The following PLEKHG3 variants were observed in gnomAD, a reference collection of about 807,000 sequenced individuals.
PLEKHG3 encodes pleckstrin homology and RhoGEF domain containing G3, also known as pleckstrin homology domain-containing family G member 3.
PLEKHG3 carries 62 observed loss-of-function variants against 94.9 expected under a neutral mutation model. The ratio of observed to expected loss-of-function variants is 0.65; its 90% CI spans 0.53 to 0.81. PLEKHG3 has a LOEUF of 0.81. Ranked by LOEUF, PLEKHG3 falls within the 30% of genes least tolerant of loss-of-function variation. The pLI is 0.00. For synonymous variants in PLEKHG3, 614 were observed against 654.0 expected, an observed-to-expected ratio of 0.94 and a Z score of 0.93; for missense variants, 1,461 against 1,619.3, an observed-to-expected ratio of 0.90 and a Z score of 1.68.
chr14:64,746,294 T>C lies in PLEKHG3; in HGVS notation c.*2591T>C, dbSNP rs1203770584. 1 of 152,398 alleles carries C rather than the reference T, an allele frequency of 6.6e-6. No homozygotes were observed. The highest frequency in any genetic ancestry group is 1.9e-4 in the East Asian group (1 of 5,196). 9.4% of individuals were successfully genotyped at this position (152,398 alleles called of 1,614,324 possible). On this transcript the variant is annotated 3_prime_UTR_variant, in exon 17 of 17. Transcript: ENST00000247226. The surrounding 1 kb of genome is among the most constrained non-coding windows in gnomAD (Gnocchi z 4.9). ...AACTGAGAGAAACATGGAGCATTAT[T>C]GATTTATTAGAAAAACTAGTAAATG...
In PLEKHG3 at chr14:64,732,634, G is replaced by A. The variant is rs960873100; in HGVS notation, c.1247-169G>A. The stretch of plus-strand genomic sequence containing the variant: ...ATTAAGGATGCTCTCCTGCTGAGCG[G>A]TGGGACTCTCAGTGCCTGAAGCTCC... On this transcript the variant is annotated intron_variant, in intron 11 of 16. Transcript: ENST00000247226. The surrounding 1 kb of genome is among the most constrained non-coding windows in gnomAD (Gnocchi z 4.9). Among the ~76,000 whole-genome samples, 4 of 151,832 alleles carry A rather than the reference G, an allele frequency of 2.6e-5. No homozygotes were observed. Among genetic ancestry groups the A allele is most frequent in the African/African-American group, 9.7e-5 (4 of 41,118 alleles).
chr14:64,731,294 C>T lies in PLEKHG3; in HGVS notation c.850-67C>T. On this transcript the variant is annotated intron_variant, in intron 7 of 16. Coordinates refer to ENST00000247226, the MANE Select transcript of PLEKHG3 (RefSeq NM_001308147.2). The surrounding 1 kb of genome is among the most constrained non-coding windows in gnomAD (Gnocchi z 6.1). ...AGTGGCATTGGGGGAGCCTTTGTGGCAGGGTTTGCAGAGCCTCCTAAGGCC... is the reference window on the plus strand; with the variant it reads ...AGTGGCATTGGGGGAGCCTTTGTGGTAGGGTTTGCAGAGCCTCCTAAGGCC... 1 of 1,485,510 alleles carries T rather than the reference C, an allele frequency of 6.7e-7. No individual in the cohort carries two copies. The highest frequency in any genetic ancestry group is 9.3e-7 in the Non-Finnish European group (1 of 1,071,856). 92.0% of individuals were successfully genotyped at this position (1,485,510 alleles called of 1,614,324 possible).
chr14:64,738,677 T>C lies in PLEKHG3; in HGVS notation c.1405-65T>C. 8.6e-7 allele frequency: 1 copy of C among 1,166,838 alleles called. No homozygotes were observed. The allele number at this position is 1,166,838 out of a possible 1,614,324, so 72.3% of individuals were successfully genotyped here. A position where few individuals can be genotyped will look rare whatever the true frequency, so the allele number is the denominator to read the frequency against. ...TGGGGCGTGGGAGGCACTGCCCGTGTTGGGATGCAGAAGGGATCAGCTTCC... is the reference window on the plus strand; with the variant it reads ...TGGGGCGTGGGAGGCACTGCCCGTGCTGGGATGCAGAAGGGATCAGCTTCC... On this transcript the variant is annotated intron_variant, in intron 14 of 16. Coordinates refer to ENST00000247226, the MANE Select transcript of PLEKHG3 (RefSeq NM_001308147.2). The surrounding 1 kb of genome is among the most constrained non-coding windows in gnomAD (Gnocchi z 4.8).
rs1412164179 is a variant in PLEKHG3 at position 64,704,900 on chromosome 14, C to A, written c.-40+196C>A. ...CCGGGCCACCCTGCCGCAGAGTGCG[C>A]GAGCGCAGGAGGGTCGTATGGGGAG... On this transcript the variant is annotated intron_variant, in intron 1 of 16. Transcript: ENST00000247226. The surrounding 1 kb of genome is among the most constrained non-coding windows in gnomAD (Gnocchi z 5.6). 6.6e-6 allele frequency among the ~76,000 whole-genome samples: 1 copy of A among 152,192 alleles called. No homozygotes were observed. The highest frequency in any genetic ancestry group is 1.5e-5 in the Non-Finnish European group (1 of 68,028).
chr14:64,735,210 T>C (rs1044985991), intron 12 of PLEKHG3, among the ~76,000 whole-genome samples: 3 of 152,168 alleles, frequency 2.0e-5, no homozygotes, highest in African/African-American at 7.2e-5. Context: ...CTGTGTTTGG[T>C]GTGTCGTGCC....
rs2139409772 is a variant in PLEKHG3 at position 64,748,025 on chromosome 14, C to T, written c.*4322C>T. ...GGGCTGGAGGGTGGTAGATATTTGACCTCTGTACTCATGTGACCCCCTCCC... is the reference window on the plus strand; with the variant it reads ...GGGCTGGAGGGTGGTAGATATTTGATCTCTGTACTCATGTGACCCCCTCCC... On this transcript the variant is annotated 3_prime_UTR_variant, in exon 17 of 17. Coordinates refer to ENST00000247226, the MANE Select transcript of PLEKHG3 (RefSeq NM_001308147.2). 1 of 152,216 alleles carries T rather than the reference C, an allele frequency of 6.6e-6. No homozygotes were observed. The highest frequency in any genetic ancestry group is 1.9e-4 in the East Asian group (1 of 5,174). The allele number at this position is 152,216 out of a possible 1,614,324, so 9.4% of individuals were successfully genotyped here.
chr14:64,749,119 T>G lies in PLEKHG3; in HGVS notation c.*5416T>G. 2 of 601,882 alleles carry G rather than the reference T, an allele frequency of 3.3e-6. No individual in the cohort carries two copies. Among genetic ancestry groups the G allele is most frequent in the Non-Finnish European group, 5.4e-6 (2 of 367,024 alleles). 37.3% of individuals were successfully genotyped at this position (601,882 alleles called of 1,614,324 possible). On this transcript the variant is annotated 3_prime_UTR_variant, in exon 17 of 17. Coordinates refer to ENST00000247226, the MANE Select transcript of PLEKHG3 (RefSeq NM_001308147.2). The surrounding 1 kb of genome is among the most constrained non-coding windows in gnomAD (Gnocchi z 4.7). Reference sequence around the variant, plus strand: ...AGCGGAGCCAGCGCGGGCGAGGGCATGGAGGGGGCGTCGGCCCAGGACACG... The same window carrying G: ...AGCGGAGCCAGCGCGGGCGAGGGCAGGGAGGGGGCGTCGGCCCAGGACACG...
chr14:64,734,887 G>GT (rs1002861473), intron 12 of PLEKHG3, among the ~76,000 whole-genome samples: 163 of 148,260 alleles, frequency 1.1e-3, no homozygotes, highest in Middle Eastern at 3.5e-3. Context: ...CGCCCAGCTA[G>GT]TTTTTTTTTT....
chr14:64,737,854 C>A, intron 14 of PLEKHG3: 1 of 1,184,690 alleles, frequency 8.4e-7, no homozygotes, highest in Non-Finnish European at 1.1e-6. Context: ...GTCTTGTGCT[C>A]TGAACAGCAT....
chr14:64,745,760 A>T lies in PLEKHG3; in HGVS notation c.*2057A>T, dbSNP rs868304381. ...TTGAAGAACCCGACTGGGGCTCTTCAGAGGGTGGGGCCCAGGAAGTTGTAG... is the reference window on the plus strand; with the variant it reads ...TTGAAGAACCCGACTGGGGCTCTTCTGAGGGTGGGGCCCAGGAAGTTGTAG... On this transcript the variant is annotated 3_prime_UTR_variant, in exon 17 of 17. Coordinates refer to ENST00000247226, the MANE Select transcript of PLEKHG3 (RefSeq NM_001308147.2). The surrounding 1 kb of genome is among the most constrained non-coding windows in gnomAD (Gnocchi z 5.0). 16 of 152,276 alleles carry T rather than the reference A, an allele frequency of 1.1e-4. No individual in the cohort carries two copies. Among genetic ancestry groups the T allele is most frequent in the African/African-American group, 3.9e-4 (16 of 41,460 alleles). 9.4% of individuals were successfully genotyped at this position (152,276 alleles called of 1,614,324 possible).
chr14:64,728,391 G>A lies in PLEKHG3; in HGVS notation c.351+409G>A, dbSNP rs1471042398. ...TACCTTGTAGGTGAAGGGCACGGAA[G>A]GGCAGCTGTGTGGCTGCCACTGAGG... is the stretch of plus-strand genomic sequence containing the variant. On this transcript the variant is annotated intron_variant, in intron 2 of 16. Transcript: ENST00000247226. This position sits in a 1 kb window ranked among gnomAD's most constrained non-coding sequence, Gnocchi z 5.9. 1.3e-5 allele frequency among the ~76,000 whole-genome samples: 2 copies of A among 152,258 alleles called. No individual in the cohort carries two copies. Among genetic ancestry groups the A allele is most frequent in the African/African-American group, 2.4e-5 (1 of 41,474 alleles).
rs1295836280 is a variant in PLEKHG3 at position 64,743,043 on chromosome 14, C to T, written c.3000C>T (p.Ser1000=). 2 of 1,612,808 alleles carry T rather than the reference C, an allele frequency of 1.2e-6. No homozygotes were observed. The highest frequency in any genetic ancestry group is 4.5e-5 in the East Asian group (2 of 44,890). ...AGCAGCTGATGGCCCAGGAGCACAG[C>T]CCTCCCAAGCCCTCCTCGGCTGGGG... is the stretch of plus-strand genomic sequence containing the variant. ...DYEQLMAQEH[S]PPKPSSAGEM... Residue 1000 remains serine, a synonymous_variant, in exon 17 of 17, where the codon AGC becomes AGT. Coordinates refer to ENST00000247226, the MANE Select transcript of PLEKHG3 (RefSeq NM_001308147.2). This position sits in a 1 kb window ranked among gnomAD's most constrained non-coding sequence, Gnocchi z 7.2.
In PLEKHG3 at chr14:64,738,346, G is replaced by C; in HGVS notation, c.1405-396G>C. Reference sequence around the variant, plus strand: ...TGCCCTGGTTTTACTCCTCCCCTCAGCACTTAACACCATCGCTCGCTGTCA... The same window carrying C: ...TGCCCTGGTTTTACTCCTCCCCTCACCACTTAACACCATCGCTCGCTGTCA... On this transcript the variant is annotated intron_variant, in intron 14 of 16. Coordinates refer to ENST00000247226, the MANE Select transcript of PLEKHG3 (RefSeq NM_001308147.2). This position sits in a 1 kb window ranked among gnomAD's most constrained non-coding sequence, Gnocchi z 4.8. 1 of 487,492 alleles carries C rather than the reference G, an allele frequency of 2.1e-6. No homozygotes were observed. Among genetic ancestry groups the C allele is most frequent in the Non-Finnish European group, 3.5e-6 (1 of 286,364 alleles). The allele number at this position is 487,492 out of a possible 1,614,324, so 30.2% of individuals were successfully genotyped here. A position where few individuals can be genotyped will look rare whatever the true frequency, so the allele number is the denominator to read the frequency against.
At position 64,718,762 on chromosome 14, in the gene PLEKHG3, C is replaced by A. The variant is rs2081212943; in HGVS notation, c.-39-8831C>A. On this transcript the variant is annotated intron_variant, in intron 1 of 16. Coordinates refer to ENST00000247226, the MANE Select transcript of PLEKHG3 (RefSeq NM_001308147.2). The surrounding 1 kb of genome is among the most constrained non-coding windows in gnomAD (Gnocchi z 5.0). ...CTTAGGAATGGGTCCGCACTAGAGCCTTTCCCAGTACCTTGCTGTTTTGTC... is the reference window on the plus strand; with the variant it reads ...CTTAGGAATGGGTCCGCACTAGAGCATTTCCCAGTACCTTGCTGTTTTGTC... Among the ~76,000 whole-genome samples, 1 of 152,134 alleles carries A rather than the reference C, an allele frequency of 6.6e-6. No individual in the cohort carries two copies. The highest frequency in any genetic ancestry group is 6.5e-5 in the Admixed American group (1 of 15,280).
At position 64,742,326 on chromosome 14, in the gene PLEKHG3, A is replaced by G. The variant is rs1472968407; in HGVS notation, c.2809A>G (p.Ile937Val). 1.2e-6 allele frequency: 2 copies of G among 1,613,030 alleles called. No individual in the cohort carries two copies. The highest frequency in any genetic ancestry group is 3.3e-5 in the Admixed American group (2 of 60,034). Residue 937 changes from isoleucine to valine, a missense_variant, in exon 16 of 17, where the codon ATC becomes GTC. Coordinates refer to ENST00000247226, the MANE Select transcript of PLEKHG3 (RefSeq NM_001308147.2). ...GCTGGCCCGCCAGTACAGCCTCCGG[A>G]TCAAGAGCAACAAGCCAGTGATGGC... ...YQLARQYSLR[I>V]KSNKPVMARP... is the part of the protein sequence containing the mutation.
chr14:64,731,539 TC>T lies in PLEKHG3; in HGVS notation c.1031del (p.Pro344ArgfsTer5). The T allele has an allele frequency of 1.2e-6, 2 of 1,613,816 alleles. No individual in the cohort carries two copies. Among genetic ancestry groups the T allele is most frequent in the Non-Finnish European group, 1.7e-6 (2 of 1,179,806 alleles). ...GATCACTTTGTCTACAAGGGCAACA[TC>T]CCGGTAACCAGGCCCTGCCCCATCT... The part of the protein sequence containing the change: ...RGDHFVYKGN[I>X]PCSSLMLIES... On this transcript the variant is annotated frameshift_variant, in exon 8 of 17. Coordinates refer to ENST00000247226, the MANE Select transcript of PLEKHG3 (RefSeq NM_001308147.2). LOFTEE classifies it high-confidence loss of function. The surrounding 1 kb of genome is among the most constrained non-coding windows in gnomAD (Gnocchi z 6.1).
Position 64,749,844 on chromosome 14 carries a change from C to G in PLEKHG3, c.*6141C>G. 1 of 1,483,898 alleles carries G rather than the reference C, an allele frequency of 6.7e-7. No homozygotes were observed. Among genetic ancestry groups the G allele is most frequent in the Non-Finnish European group, 9.3e-7 (1 of 1,072,398 alleles). The allele number at this position is 1,483,898 out of a possible 1,614,324, so 91.9% of individuals were successfully genotyped here. On this transcript the variant is annotated 3_prime_UTR_variant, in exon 17 of 17. Transcript: ENST00000247226. This position sits in a 1 kb window ranked among gnomAD's most constrained non-coding sequence, Gnocchi z 4.7. ...CTTTCTGAGAGGTCAAAGTCTGGAC[C>G]ATCAGCCTCTTTGATTTGAAAAACC...
At chr14:64,707,551 G>T (rs1276954601) in intron 1 of PLEKHG3, among the ~76,000 whole-genome samples, 1 of 152,226 alleles carries the variant, frequency 6.6e-6, no homozygotes, top group African/African-American at 2.4e-5. Context: ...GATTGAAATA[G>T]CAAGTGTGTT....
rs1337252847 is a variant in PLEKHG3, at chr14:64,731,878, C to T, written c.1125+72C>T. 3.7e-6 allele frequency: 4 copies of T among 1,086,644 alleles called. No individual in the cohort carries two copies. The highest frequency in any genetic ancestry group is 1.3e-5 in the South Asian group (1 of 79,468). The allele number at this position is 1,086,644 out of a possible 1,614,324, so 67.3% of individuals were successfully genotyped here. On this transcript the variant is annotated intron_variant, in intron 9 of 16. Coordinates refer to ENST00000247226, the MANE Select transcript of PLEKHG3 (RefSeq NM_001308147.2). The surrounding 1 kb of genome is among the most constrained non-coding windows in gnomAD (Gnocchi z 6.1). ...GGACACCTGCGTGGGACTCCTGGCTCCTCTGCTCACCTAGCTGCCCCAAGC... is the reference window on the plus strand; with the variant it reads ...GGACACCTGCGTGGGACTCCTGGCTTCTCTGCTCACCTAGCTGCCCCAAGC...
Sources: allele counts gnomAD v4.1 joint callset (sites outside exome capture counted in the v4.1 genomes callset), GRCh38; gene constraint gnomAD v4.1.1; non-coding constraint Gnocchi (gnomAD v3.1); transcripts MANE v1.5; gene names NCBI Gene and HGNC (gene_info 2026-07-23, HGNC 2026-07-21).